The following ATL2 variants were observed in gnomAD, a reference collection of about 807,000 sequenced individuals.
The protein encoded by ATL2 is atlastin GTPase 2, also known as atlastin-2.
Under a neutral mutation model 73.9 loss-of-function variants are expected in ATL2, and 31 were observed. The observed-to-expected ratio is 0.42, with a 90% CI of 0.32 to 0.57. ATL2 has a LOEUF of 0.57. Ranked by LOEUF, ATL2 falls within the 20% of genes least tolerant of loss-of-function variation. The probability of loss-of-function intolerance (pLI) is 0.14; values close to 1 mark genes in which losing one functional copy is unlikely to be tolerated. For missense variants in ATL2, 738 were observed against 702.6 expected (o/e 1.05, Z -0.57); for synonymous variants, 291 against 237.5 (o/e 1.23, Z -2.07).
chr2:38,309,408 T>G lies in ATL2; in HGVS notation c.1042A>C (p.Thr348Pro), dbSNP rs777332951. Residue 348 changes from threonine (T) to proline (P), a missense_variant, in exon 9 of 13, where the codon ACT (threonine) becomes CCT (proline). Coordinates refer to ENST00000378954, the MANE Select transcript of ATL2 (RefSeq NM_001135673.4). The part of the protein sequence containing the change: ...VEKEISGSKV[T>P]CRDLVEYFKA... ...AAATATTCTACAAGATCTCTACAAGTGACTTTAGATCCACTTATCTCTTTT... is the reference window on the plus strand; with the variant it reads ...AAATATTCTACAAGATCTCTACAAGGGACTTTAGATCCACTTATCTCTTTT... 6.2e-7 allele frequency: 1 copy of G among 1,611,434 alleles called. No individual in the cohort carries two copies.
intron 2 of ATL2, among the ~76,000 whole-genome samples, chr2:38,337,688 G>T (rs1264047603): frequency 6.6e-6 from 1 of 151,736 alleles, no homozygotes; most frequent in Non-Finnish European, 1.5e-5. Context: ...TATATAAGGT[G>T]TAGACTGAGT....
intron 4 of ATL2, among the ~76,000 whole-genome samples, chr2:38,315,710 A>C (rs1667994255): frequency 6.6e-6 from 1 of 152,154 alleles, no homozygotes. Flanking sequence ...CATTTTTCTA[A>C]ATTAGTGAAT....
chr2:38,302,121 A>G (rs1250641148), intron 9 of ATL2, among the ~76,000 whole-genome samples: 6 of 152,174 alleles, frequency 3.9e-5, no homozygotes, highest in Non-Finnish European at 8.8e-5. Flanking sequence ...GGTATGACCA[A>G]GTCCTGGCAG....
chr2:38,374,411 T>C lies in ATL2; in HGVS notation c.118+2732A>G, dbSNP rs373102020. Among the ~76,000 whole-genome samples, 27 of 152,300 alleles carry C rather than the reference T, an allele frequency of 1.8e-4. 3 individuals carry two copies. The highest frequency in any genetic ancestry group is 9.2e-4 in the Admixed American group (14 of 15,292). On this transcript the variant is annotated intron_variant, in intron 1 of 12. Transcript: ENST00000378954. ...CTGGACTTTGAAAACCCAAAATGTC[T>C]ACAAAATCAGAATACCATTACACGT...
At chr2:38,370,164 A>G (rs1231133275) in intron 1 of ATL2, among the ~76,000 whole-genome samples, 2 of 147,750 alleles carry the variant, frequency 1.4e-5, no homozygotes, top group East Asian at 2.0e-4. Flanking sequence ...AAAAAAAAAA[A>G]AAAAAAAGAA....
chr2:38,353,704 G>A (rs1297866386), intron 1 of ATL2, among the ~76,000 whole-genome samples: 1 of 152,150 alleles, frequency 6.6e-6, no homozygotes, highest in Non-Finnish European at 1.5e-5. Context: ...TTATTGTATA[G>A]TTATGTAATA....
chr2:38,323,115 G>A (rs536406277), intron 2 of ATL2, among the ~76,000 whole-genome samples: 3 of 152,222 alleles, frequency 2.0e-5, no homozygotes, highest in Admixed American at 6.5e-5. Context: ...TTTAGTGGGA[G>A]CTAAAGGCAG....
In ATL2 at chr2:38,295,961, AAAAG is replaced by A; in HGVS notation, c.*29_*32del. Reference sequence around the variant, plus strand: ...CTCATTGTACAGCAAGCATGAAAAAAAAAGAGAGTGGAGTCCGTGAGGAGATGAA... The same window carrying A: ...CTCATTGTACAGCAAGCATGAAAAAAAGAGTGGAGTCCGTGAGGAGATGAA... On this transcript the variant is annotated 3_prime_UTR_variant, in exon 13 of 13. Coordinates refer to ENST00000378954, the MANE Select transcript of ATL2 (RefSeq NM_001135673.4). 1 of 1,482,556 alleles carries A rather than the reference AAAAG, an allele frequency of 6.7e-7. No homozygotes were observed. Among genetic ancestry groups the A allele is most frequent in the Non-Finnish European group, 9.1e-7 (1 of 1,093,732 alleles). The allele number at this position is 1,482,556 out of a possible 1,614,324, so 91.8% of individuals were successfully genotyped here. A position where few individuals can be genotyped will look rare whatever the true frequency, so the allele number is the denominator to read the frequency against.
At position 38,324,955 on chromosome 2, in the gene ATL2, T is replaced by G. The variant is rs1349863962; in HGVS notation, c.364-5936A>C. Among the ~76,000 whole-genome samples, 4 of 152,178 alleles carry G rather than the reference T, an allele frequency of 2.6e-5. No individual in the cohort carries two copies. In the South Asian group the frequency reaches 6.2e-4, roughly 24 times the overall value. On this transcript the variant is annotated intron_variant, in intron 2 of 12. Coordinates refer to ENST00000378954, the MANE Select transcript of ATL2 (RefSeq NM_001135673.4). Reference sequence around the variant, plus strand: ...AAGATGAAGCAGTTCTGGAGATGGATAGTGGCAATGGCTACACAACAATGT... The same window carrying G: ...AAGATGAAGCAGTTCTGGAGATGGAGAGTGGCAATGGCTACACAACAATGT...
intron 1 of ATL2, among the ~76,000 whole-genome samples, chr2:38,370,445 T>TC (rs1553343124): frequency 8.6e-5 from 6 of 69,634 alleles, no homozygotes; most frequent in Non-Finnish European, 1.5e-4. Flanking sequence ...TGAGACTCTG[T>TC]CCCAAAAAAA....
chr2:38,306,636 T>G (rs377031528), intron 9 of ATL2, among the ~76,000 whole-genome samples: 1 of 152,286 alleles, frequency 6.6e-6, no homozygotes, highest in Non-Finnish European at 1.5e-5. Context: ...ATCACCAGAA[T>G]GAAGAACAAA....
chr2:38,296,155 T>TA (rs761424280), intron 12 of ATL2, 42 bp from the exon 13 acceptor site: 10 of 1,508,498 alleles, frequency 6.6e-6, no homozygotes, highest in East Asian at 2.5e-5. Flanking sequence ...AAACATGAGG[T>TA]AAAAAAAGAG....
chr2:38,359,574 T>C (rs1328918147), intron 1 of ATL2: 4 of 152,164 alleles, frequency 2.6e-5, no homozygotes, highest in African/African-American at 9.7e-5. Context: ...GTTTTTCCTA[T>C]AGGATTCACA....
At chr2:38,329,058 G>A (rs1427516238) in intron 2 of ATL2, among the ~76,000 whole-genome samples, 1 of 147,272 alleles carries the variant, frequency 6.8e-6, no homozygotes, top group Non-Finnish European at 1.5e-5. Flanking sequence ...TAACTTAGTT[G>A]AAATGGAGCA....
chr2:38,330,979 C>A (rs568738546), intron 2 of ATL2, among the ~76,000 whole-genome samples: 2 of 152,174 alleles, frequency 1.3e-5, no homozygotes, highest in African/African-American at 4.8e-5. Context: ...TACAAAGCAA[C>A]AGTAGTGAAG....
Position 38,313,225 on chromosome 2 carries a change from G to T in ATL2, c.730C>A (p.Arg244=). Residue 244 remains arginine, a synonymous_variant, in exon 7 of 13, where the codon CGA becomes AGA. Transcript: ENST00000378954. ...KPFQTLMFLI[R]DWSYPYEHSY... is the part of the protein sequence containing the mutation. ...TGTTCATAAGGATAGCTCCAATCTC[G>T]AATCAAAAACATTAATGTCTATACA... 1 of 1,609,066 alleles carries T rather than the reference G, an allele frequency of 6.2e-7. No individual in the cohort carries two copies. The highest frequency in any genetic ancestry group is 1.1e-5 in the South Asian group (1 of 90,134).
chr2:38,367,284 G>T (rs1317898006), intron 1 of ATL2, among the ~76,000 whole-genome samples: 1 of 151,920 alleles, frequency 6.6e-6, no homozygotes, highest in African/African-American at 2.4e-5. Flanking sequence ...AATAAAAAGA[G>T]ATACGAATAA....
At chr2:38,347,241 G>T (rs1053362210) in intron 1 of ATL2, among the ~76,000 whole-genome samples, 2 of 152,158 alleles carry the variant, frequency 1.3e-5, no homozygotes, top group African/African-American at 4.8e-5. Context: ...ATAGCAGAGG[G>T]CCTTATAAAG....
intron 1 of ATL2, among the ~76,000 whole-genome samples, chr2:38,369,984 T>C (rs572112261): frequency 2.7e-4 from 40 of 147,552 alleles, no homozygotes; most frequent in African/African-American, 8.6e-4. Context: ...ACCCCGTCTC[T>C]ACTAAAAAAA....
Sources: allele counts gnomAD v4.1 joint callset (sites outside exome capture counted in the v4.1 genomes callset), GRCh38; gene constraint gnomAD v4.1.1; transcripts MANE v1.5; gene names NCBI Gene and HGNC (gene_info 2026-07-23, HGNC 2026-07-21).